Variants in CFAP58 observed in about 807,000 individuals in gnomAD.
CFAP58 encodes the protein cilia- and flagella-associated protein 58.
Under a neutral mutation model 119.5 loss-of-function variants are expected in CFAP58, and 88 were observed. The ratio of observed to expected loss-of-function variants is 0.74; its 90% CI spans 0.62 to 0.88. CFAP58 has a LOEUF of 0.88. Ranked by LOEUF, CFAP58 falls within the 40% of genes least tolerant of loss-of-function variation. The pLI is 0.00. For missense variants in CFAP58, 990 were observed against 1,021.2 expected, an observed-to-expected ratio of 0.97 and a Z score of 0.42; for synonymous variants, 365 against 366.3, an observed-to-expected ratio of 1.00 and a Z score of 0.04.
chr10:104,439,698 C>G (rs2013002838), intron 15 of CFAP58, among the ~76,000 whole-genome samples: 1 of 150,402 alleles, frequency 6.6e-6, no homozygotes, highest in South Asian at 2.1e-4. Flanking sequence ...GAGTGAGACT[C>G]TGTCTTAACA....
upstream of CFAP58, among the ~76,000 whole-genome samples, chr10:104,349,416 C>G (rs2014434582): frequency 6.6e-6 from 1 of 152,216 alleles, no homozygotes; most frequent in South Asian, 2.1e-4. Context: ...TGTCATTCCT[C>G]TCTGTGCACA....
At chr10:104,416,377 T>C (rs192664547) in intron 15 of CFAP58, among the ~76,000 whole-genome samples, 2 of 152,332 alleles carry the variant, frequency 1.3e-5, no homozygotes, top group South Asian at 2.1e-4. Flanking sequence ...CTCAGATAAA[T>C]AAATCATGAA....
At chr10:104,435,523 C>A (rs911206805) in intron 15 of CFAP58, among the ~76,000 whole-genome samples, 1 of 152,182 alleles carries the variant, frequency 6.6e-6, no homozygotes, top group African/African-American at 2.4e-5. Context: ...CAACAGACTG[C>A]AACCCTTGTC....
At chr10:104,358,744 A>G in intron 2 of CFAP58, 122 bp downstream of exon 2, 2 of 831,890 alleles carry the variant, frequency 2.4e-6, no homozygotes, top group Admixed American at 3.0e-5. Context: ...TTTTATATTC[A>G]TTAAGCCTAA....
At chr10:104,368,600 TC>T (rs1440870488) in intron 6 of CFAP58, 40 bp downstream of exon 6, 1 of 1,609,514 alleles carries the variant, frequency 6.2e-7, no homozygotes, top group East Asian at 2.2e-5. Context: ...AGCTCTTTCT[TC>T]CTAACACAGG....
intron 9 of CFAP58, chr10:104,382,218 A>C: frequency 1.4e-6 from 1 of 717,242 alleles, no homozygotes; most frequent in East Asian, 2.7e-5. Flanking sequence ...CTGACAAGGG[A>C]AGGGCACAGA....
chr10:104,348,971 G>T (rs970817940), upstream of CFAP58, among the ~76,000 whole-genome samples: 1 of 152,208 alleles, frequency 6.6e-6, no homozygotes. Flanking sequence ...TTGAGGCCAG[G>T]TGTGGTGGCT....
chr10:104,399,199 T>G (rs1185770743), intron 11 of CFAP58, among the ~76,000 whole-genome samples, 161 bp from the exon 12 acceptor site: 1 of 151,996 alleles, frequency 6.6e-6, no homozygotes, highest in East Asian at 1.9e-4. Flanking sequence ...TGTGTGTGTG[T>G]GTTGTAAGCT....
chr10:104,415,975 G>A (rs1430067247), intron 15 of CFAP58, among the ~76,000 whole-genome samples: 1 of 152,204 alleles, frequency 6.6e-6, no homozygotes, highest in Non-Finnish European at 1.5e-5. Context: ...ACAGGCAGCA[G>A]CGTATGGTGG....
chr10:104,346,291 A>G, the CFAP58 span, among the ~76,000 whole-genome samples: 4 of 152,056 alleles, frequency 2.6e-5, no homozygotes, highest in Non-Finnish European at 4.4e-5. Context: ...GAAGTCATGT[A>G]TCAACATGAG....
intron 7 of CFAP58, among the ~76,000 whole-genome samples, chr10:104,371,967 A>G (rs902137798): frequency 3.9e-5 from 6 of 152,190 alleles, no homozygotes; most frequent in Admixed American, 3.9e-4. Flanking sequence ...GTAAAAGCAC[A>G]AAAGCACACA....
intron 9 of CFAP58, among the ~76,000 whole-genome samples, chr10:104,390,771 A>G (rs2012023804): frequency 6.6e-6 from 1 of 152,336 alleles, no homozygotes; most frequent in Non-Finnish European, 1.5e-5. Flanking sequence ...AAATAAATGT[A>G]TATTTCACAT....
chr10:104,370,753 G>C, intron 6 of CFAP58, 142 bp from the exon 7 acceptor site: 1 of 635,376 alleles, frequency 1.6e-6, no homozygotes, highest in East Asian at 3.2e-5. Context: ...AAACCAAATT[G>C]TGTGTGCTTG....
At chr10:104,365,671 G>A (rs1564879931) in intron 4 of CFAP58, 143 bp from the exon 5 acceptor site, 3 of 599,478 alleles carry the variant, frequency 5.0e-6, no homozygotes, top group East Asian at 2.9e-5. Context: ...TGGGGCTCAA[G>A]GATGTCTGCC....
chr10:104,365,301 G>C (rs1178218600), intron 4 of CFAP58, among the ~76,000 whole-genome samples: 1 of 152,058 alleles, frequency 6.6e-6, no homozygotes, highest in Non-Finnish European at 1.5e-5. Flanking sequence ...AAGTCAAATA[G>C]GTCATACACA....
At chr10:104,399,175 A>AGTGTGTGTGTGT (rs35611566) in intron 11 of CFAP58, among the ~76,000 whole-genome samples, 185 bp from the exon 12 acceptor site, 1 of 149,104 alleles carries the variant, frequency 6.7e-6, no homozygotes, top group African/African-American at 2.5e-5. Context: ...TTTCTTTATG[A>AGTGTGTGTGTGT]GTGTGTGTGT....
intron 15 of CFAP58, among the ~76,000 whole-genome samples, chr10:104,433,781 C>G (rs2012887968): frequency 6.6e-6 from 1 of 152,198 alleles, no homozygotes; most frequent in South Asian, 2.1e-4. Flanking sequence ...CATACTCTTC[C>G]AAAGAATGTT....
intron 15 of CFAP58, among the ~76,000 whole-genome samples, chr10:104,423,576 C>T (rs2012695169): frequency 6.7e-6 from 1 of 149,928 alleles, no homozygotes; most frequent in Non-Finnish European, 1.5e-5. Flanking sequence ...ATAACAATAA[C>T]ATGGCCAATA....
intron 7 of CFAP58, among the ~76,000 whole-genome samples, chr10:104,374,912 T>C (rs1159578792): frequency 6.6e-6 from 1 of 151,476 alleles, no homozygotes; most frequent in Non-Finnish European, 1.5e-5. Context: ...AAATAAATTA[T>C]GTATTTTCAC....
Sources: allele counts gnomAD v4.1 joint callset (sites outside exome capture counted in the v4.1 genomes callset), GRCh38; gene constraint gnomAD v4.1.1; transcripts MANE v1.5; gene names NCBI Gene and HGNC (gene_info 2026-07-23, HGNC 2026-07-21).